The following HCN4 variants were observed in gnomAD, a reference collection of about 807,000 sequenced individuals.
HCN4 encodes potassium/sodium hyperpolarization-activated cyclic nucleotide-gated channel 4.
In HCN4, 29 loss-of-function variants were observed where a neutral mutation model predicts 76.9. That is an observed-to-expected ratio of 0.38 (90% CI 0.28 to 0.51). The LOEUF is 0.51. HCN4 is among the 20% of genes least tolerant of loss of function. HCN4 has a pLI of 0.90. For missense variants in HCN4, 1,416 were observed against 1,715.2 expected (o/e 0.83, Z 3.08); for synonymous variants, 772 against 762.5 (o/e 1.01, Z -0.21).
Position 73,325,521 on chromosome 15 carries a change from A to C in HCN4, c.1591-77T>G, listed in dbSNP as rs1364927292. 1 of 1,482,612 alleles carries C rather than the reference A, an allele frequency of 6.7e-7. No homozygotes were observed. Among genetic ancestry groups the C allele is most frequent in the Non-Finnish European group, 9.4e-7 (1 of 1,060,918 alleles). 91.8% of individuals were successfully genotyped at this position (1,482,612 alleles called of 1,614,324 possible). Reference sequence around the variant, plus strand: ...AGCCAGCCCCACCACCTCGGCAGGCACCACATCCGGGCACCCACCCCGGGG... The same window carrying C: ...AGCCAGCCCCACCACCTCGGCAGGCCCCACATCCGGGCACCCACCCCGGGG... On this transcript the variant is annotated intron_variant, in intron 4 of 7. Transcript: ENST00000261917. This position sits in a 1 kb window ranked among gnomAD's most constrained non-coding sequence, Gnocchi z 7.4.
In HCN4 at chr15:73,332,119, G is replaced by A. The variant is rs777697467; in HGVS notation, c.1371+12C>T. On this transcript the variant is annotated intron_variant, in intron 3 of 7. Coordinates refer to ENST00000261917, the MANE Select transcript of HCN4 (RefSeq NM_005477.3). ...TATGGCCCAGAGAGAGGACCGGGCTGGGCGCACTCACCACCATGTTGTTGA... is the reference window on the plus strand; with the variant it reads ...TATGGCCCAGAGAGAGGACCGGGCTAGGCGCACTCACCACCATGTTGTTGA... The A allele has an allele frequency of 1.9e-6, 3 of 1,613,030 alleles. No homozygotes were observed. In the African/African-American group the frequency reaches 4.0e-5, roughly 22 times the overall value.
At chr15:73,334,437 C>T (rs2042950389) in intron 2 of HCN4, among the ~76,000 whole-genome samples, 1 of 152,128 alleles carries the variant, frequency 6.6e-6, no homozygotes, top group Non-Finnish European at 1.5e-5. Flanking sequence ...GAGCCCCCAG[C>T]ACCAGCCGGG....
At position 73,365,841 on chromosome 15, in the gene HCN4, G is replaced by A. The variant is rs560743452; in HGVS notation, c.785+1645C>T. ...GAGGGGAGGGCCCTTCAGCAATCTC[G>A]AGGGGTTGGTACTGGAACTGCCTAT... On this transcript the variant is annotated intron_variant, in intron 1 of 7. Coordinates refer to ENST00000261917, the MANE Select transcript of HCN4 (RefSeq NM_005477.3). 3.3e-4 allele frequency among the ~76,000 whole-genome samples: 50 copies of A among 152,240 alleles called. 1 individual carries two copies. In the South Asian group the frequency reaches 9.3e-3, roughly 28 times the overall value.
intron 6 of HCN4, among the ~76,000 whole-genome samples, chr15:73,324,485 A>G (rs1002400886): frequency 1.3e-5 from 2 of 152,218 alleles, no homozygotes; most frequent in African/African-American, 2.4e-5. Context: ...TGTTCCCCCA[A>G]AATTTATATG....
rs76868229 is a variant in HCN4 at position 73,351,222 on chromosome 15, G to A, written c.786-7414C>T. Among the ~76,000 whole-genome samples, 524 of 151,948 alleles carry A rather than the reference G, an allele frequency of 3.4e-3. 4 individuals carry two copies. The highest frequency in any genetic ancestry group is 0.014 in the Middle Eastern group (4 of 294). ...TCCCTTGAACGGCCTCCTTTCCCTC[G>A]GCATGACCTTTCCATGTTTTTGCTC... On this transcript the variant is annotated intron_variant, in intron 1 of 7. Transcript: ENST00000261917.
chr15:73,349,218 A>G (rs1197929884), intron 1 of HCN4, among the ~76,000 whole-genome samples: 1 of 152,122 alleles, frequency 6.6e-6, no homozygotes, highest in Admixed American at 6.5e-5. Flanking sequence ...TTGGTTTTCC[A>G]GACCCAGCAA....
At chr15:73,324,693 C>T (rs898602058) in intron 6 of HCN4, among the ~76,000 whole-genome samples, 2 of 152,162 alleles carry the variant, frequency 1.3e-5, no homozygotes, top group Non-Finnish European at 2.9e-5. Flanking sequence ...TCACCAGCCC[C>T]AACCATGCTG....
chr15:73,334,590 A>G (rs1247151604), intron 2 of HCN4, among the ~76,000 whole-genome samples: 1 of 151,872 alleles, frequency 6.6e-6, no homozygotes, highest in East Asian at 1.9e-4. Context: ...CTGGTGTCTG[A>G]GCTAAGACAC....
Position 73,322,259 on chromosome 15 carries a change from C to T in HCN4, c.*222G>A, listed in dbSNP as rs1419884655. 4.2e-6 allele frequency: 2 copies of T among 480,066 alleles called. No individual in the cohort carries two copies. The highest frequency in any genetic ancestry group is 7.6e-6 in the Non-Finnish European group (2 of 261,982). The allele number at this position is 480,066 out of a possible 1,614,324, so 29.7% of individuals were successfully genotyped here. On this transcript the variant is annotated 3_prime_UTR_variant, in exon 8 of 8. Transcript: ENST00000261917. ...CCTGCTCCCTCCTCCCTCCCCCTCC[C>T]TCCCTCTAGTGCTGAGTATTAAAAT...
Position 73,367,809 on chromosome 15 carries a change from G to A in HCN4, c.462C>T (p.Arg154=). The change falls in exon 1 of 8, where the codon CGC becomes CGT. Residue 154 remains arginine, a synonymous_variant. Transcript: ENST00000261917. The surrounding 1 kb of genome is among the most constrained non-coding windows in gnomAD (Gnocchi z 7.5). ...TPPGLAAEPE[R]PGASAQPAAS... ...CTGCGGGCTGCGCCGAGGCGCCGGG[G>A]CGCTCGGGCTCGGCCGCCAGGCCTG... 8.0e-7 allele frequency: 1 copy of A among 1,244,544 alleles called. No individual in the cohort carries two copies. The highest frequency in any genetic ancestry group is 1.0e-6 in the Non-Finnish European group (1 of 1,000,418). The allele number at this position is 1,244,544 out of a possible 1,614,324, so 77.1% of individuals were successfully genotyped here.
chr15:73,344,019 C>T (rs931483037), intron 1 of HCN4, among the ~76,000 whole-genome samples: 2 of 152,182 alleles, frequency 1.3e-5, no homozygotes, highest in East Asian at 1.9e-4. Context: ...GGATACCCTC[C>T]GTGCTGCCCT....
At chr15:73,353,180 T>C (rs1323869446) in intron 1 of HCN4, among the ~76,000 whole-genome samples, 1 of 152,222 alleles carries the variant, frequency 6.6e-6, no homozygotes, top group African/African-American at 2.4e-5. Flanking sequence ...AGTTTCTCCA[T>C]TTCACCTTTC....
chr15:73,341,344 G>A (rs528732133), intron 2 of HCN4, among the ~76,000 whole-genome samples: 2 of 151,936 alleles, frequency 1.3e-5, no homozygotes, highest in Non-Finnish European at 2.9e-5. Context: ...GTTTCACCAC[G>A]TTGGCCAGGC....
chr15:73,340,123 TGGGTGCCCAAGA>T (rs1032631981), intron 2 of HCN4, among the ~76,000 whole-genome samples: 1 of 152,048 alleles, frequency 6.6e-6, no homozygotes, highest in African/African-American at 2.4e-5. Context: ...TGACCAGTTC[TGGGTGCCCAAGA>T]GGGTGGCCTG....
chr15:73,348,505 T>A (rs143445372), intron 1 of HCN4, among the ~76,000 whole-genome samples: 11 of 152,362 alleles, frequency 7.2e-5, no homozygotes, highest in East Asian at 1.9e-4. Context: ...TTTTTACACA[T>A]GCATACTTTC....
At chr15:73,353,233 T>C (rs1264876989) in intron 1 of HCN4, among the ~76,000 whole-genome samples, 2 of 152,240 alleles carry the variant, frequency 1.3e-5, no homozygotes, top group Non-Finnish European at 2.9e-5. Context: ...GTTACCTTTA[T>C]AATCAGAAAC....
In HCN4 at chr15:73,343,690, A is replaced by C. The variant is rs2043018160; in HGVS notation, c.904T>G (p.Ser302Ala). 6.2e-7 allele frequency: 1 copy of C among 1,614,022 alleles called. No homozygotes were observed. The change falls in exon 2 of 8, where the codon TCA (serine) becomes GCA (alanine). Residue 302 changes from serine (S) to alanine (A), a missense_variant. By Grantham distance (99) the Ser-to-Ala change is moderately conservative (BLOSUM62 1). Around this residue, in one of 6 missense-constraint regions of HCN4, gnomAD observed 52 missense variants for 129.1 expected, o/e 0.40. Transcript: ENST00000261917. The surrounding 1 kb of genome is among the most constrained non-coding windows in gnomAD (Gnocchi z 5.7). ...TTPWIVFNVV[S>A]DTFFLIDLVL... ...AAGTCGATGAGGAAGAATGTGTCTG[A>C]CACCACATTGAAGACAATCCAGGGT...
chr15:73,328,750 G>T lies in HCN4; in HGVS notation c.1590+823C>A, dbSNP rs2042914995. On this transcript the variant is annotated intron_variant, in intron 4 of 7. Transcript: ENST00000261917. The surrounding 1 kb of genome is among the most constrained non-coding windows in gnomAD (Gnocchi z 4.0). ...CAGGACTCATTCTCTGTGGTGAGGG[G>T]GCTGCTGTTGAGACCCCAGGGAGAG... 6.6e-6 allele frequency among the ~76,000 whole-genome samples: 1 copy of T among 152,138 alleles called. No individual in the cohort carries two copies. Among genetic ancestry groups the T allele is most frequent in the South Asian group, 2.1e-4 (1 of 4,828 alleles).
rs1366237662 is a variant in HCN4, at chr15:73,322,079, G to A, written c.*402C>T. ...AGCCCCTTTCTGGGGGCAGAGTGGA[G>A]CTCCAAGTTACAGCTAACGGGCTGA... On this transcript the variant is annotated 3_prime_UTR_variant, in exon 8 of 8. Transcript: ENST00000261917. The A allele has an allele frequency of 7.6e-6, 2 of 264,864 alleles. No homozygotes were observed. The highest frequency in any genetic ancestry group is 1.5e-5 in the Non-Finnish European group (2 of 137,362). The allele number at this position is 264,864 out of a possible 1,614,324, so 16.4% of individuals were successfully genotyped here.
Sources: gnomAD v4.1 joint callset for allele counts (sites outside exome capture counted in the v4.1 genomes callset) on GRCh38, gnomAD v4.1.1 for gene constraint, gnomAD v4.1.1 regional missense constraint, Gnocchi (gnomAD v3.1) non-coding constraint, MANE v1.5 for transcripts, NCBI Gene and HGNC (gene_info 2026-07-23, HGNC 2026-07-21) for gene names.